Variants in TRRAP observed in about 807,000 individuals in gnomAD.
TRRAP encodes the protein transformation/transcription domain-associated protein.
Under a neutral mutation model 438.8 loss-of-function variants are expected in TRRAP, and 41 were observed. That is an observed-to-expected ratio of 0.09 (90% CI 0.07 to 0.12). The LOEUF (loss-of-function observed/expected upper bound fraction) is 0.12. Ranked by LOEUF, TRRAP falls within the 10% of genes least tolerant of loss-of-function variation. TRRAP has a pLI of 1.00. For synonymous variants in TRRAP, 1,994 were observed against 1,962.9 expected (o/e 1.02, Z -0.42); for missense variants, 3,122 against 5,055.1 (o/e 0.62, Z 11.60).
At chr7:98,987,010 C>A (rs1793179586) in intron 62 of TRRAP, among the ~76,000 whole-genome samples, 2 of 152,138 alleles carry the variant, frequency 1.3e-5, no homozygotes, top group African/African-American at 2.4e-5. Context: ...TGAGGCCAGG[C>A]CCAGTGGCTC....
rs183318022 is a variant in TRRAP, at chr7:98,915,671, A to G, written c.2200-52A>G. 1.7e-5 allele frequency: 27 copies of G among 1,588,330 alleles called. No homozygotes were observed. The Admixed American group carries it at 3.1e-4, about 18-fold the overall frequency. On this transcript the variant is annotated intron_variant, in intron 18 of 72. Coordinates refer to ENST00000456197, the MANE Select transcript of TRRAP (RefSeq NM_001375524.1). ...AGTGACACTTTAGAGTCTGGAGGGT[A>G]TAGACCCTCCTCATTTAGATGCCAC... is the stretch of plus-strand genomic sequence containing the variant.
At position 98,994,745 on chromosome 7, in the gene TRRAP, C is replaced by A. The variant is rs772541308; in HGVS notation, c.10206C>A (p.Val3402=). The A allele has an allele frequency of 6.2e-7, 1 of 1,614,114 alleles. No individual in the cohort carries two copies. Among genetic ancestry groups the A allele is most frequent in the African/African-American group, 1.3e-5 (1 of 74,938 alleles). ...FGVGLENVSN[V]STMFSSAASE... Reference sequence around the variant, plus strand: ...TGGGCCTGGAGAATGTGTCCAACGTCTCGACCATGTTCTCCAGCGCAGCCT... The same window carrying A: ...TGGGCCTGGAGAATGTGTCCAACGTATCGACCATGTTCTCCAGCGCAGCCT... The change falls in exon 67 of 73, where the codon GTC becomes GTA. Residue 3402 remains valine, a synonymous_variant. Coordinates refer to ENST00000456197, the MANE Select transcript of TRRAP (RefSeq NM_001375524.1). The surrounding 1 kb of genome is among the most constrained non-coding windows in gnomAD (Gnocchi z 4.8).
rs782032298 is a variant in TRRAP, at chr7:98,956,129, T to C, written c.5938-17T>C. On this transcript the variant is annotated splice_polypyrimidine_tract_variant and intron_variant, in intron 41 of 72. Transcript: ENST00000456197. This position sits in a 1 kb window ranked among gnomAD's most constrained non-coding sequence, Gnocchi z 4.5. ...AAGCTCCCATGTTCCGGCGTGATGC[T>C]GGCCCTGCGTCCGCAGGTGTACTAC... 5.6e-6 allele frequency: 9 copies of C among 1,605,208 alleles called. No homozygotes were observed. In the African/African-American group the frequency reaches 9.4e-5, roughly 17 times the overall value.
intron 21 of TRRAP, among the ~76,000 whole-genome samples, chr7:98,923,538 T>C (rs1789897881): frequency 6.6e-6 from 1 of 152,260 alleles, no homozygotes; most frequent in Admixed American, 6.5e-5. Context: ...TTGATTCTTT[T>C]TGGCAGGTAA....
chr7:98,948,616 C>T lies in TRRAP; in HGVS notation c.4719C>T (p.Pro1573=), dbSNP rs1554417419. The T allele has an allele frequency of 2.5e-6, 4 of 1,614,194 alleles. No individual in the cohort carries two copies. The South Asian group carries it at 4.4e-5, about 18-fold the overall frequency. ...TGATCAAGTTCCTGACTCGACATCCCTCGCAGACAGTGGAGCTGTTCATGA... is the reference window on the plus strand; with the variant it reads ...TGATCAAGTTCCTGACTCGACATCCTTCGCAGACAGTGGAGCTGTTCATGA... ...EPLIKFLTRH[P]SQTVELFMME... is the part of the protein sequence containing the mutation. The change falls in exon 35 of 73, where the codon CCC becomes CCT. Residue 1573 remains proline (P), a synonymous_variant. Coordinates refer to ENST00000456197, the MANE Select transcript of TRRAP (RefSeq NM_001375524.1). This position sits in a 1 kb window ranked among gnomAD's most constrained non-coding sequence, Gnocchi z 4.9.
rs113402444 is a variant in TRRAP, at chr7:98,910,275, G to A, written c.1570G>A (p.Val524Met). 1,831 of 1,260,476 alleles carry A rather than the reference G, an allele frequency of 1.5e-3. 13 individuals are homozygous for A. The African/African-American group carries it at 0.023, about 16-fold the overall frequency. The allele number at this position is 1,260,476 out of a possible 1,614,324, so 78.1% of individuals were successfully genotyped here. A position where few individuals can be genotyped will look rare whatever the true frequency, so the allele number is the denominator to read the frequency against. The change falls in exon 15 of 73, where the codon GTG (valine) becomes ATG (methionine). Residue 524 changes from valine (V) to methionine (M), a missense_variant. Transcript: ENST00000456197. ...PPATPVTPAP[V>M]PPFEKQGEKD... ...TGCCACCCCTGTGACCCCGGCCCCC[G>A]TGCCTCCCTTCGAGAAGCAAGGAGA...
Position 98,924,854 on chromosome 7 carries a change from C to A in TRRAP, c.2824-258C>A, listed in dbSNP as rs1554411239. Among the ~76,000 whole-genome samples the A allele has an allele frequency of 3.5e-5, 5 of 143,930 alleles. No individual in the cohort carries two copies. In the East Asian group the frequency reaches 8.6e-4, roughly 25 times the overall value. 94.4% of individuals were successfully genotyped at this position (143,930 alleles called of 152,430 possible). A position where few individuals can be genotyped will look rare whatever the true frequency, so the allele number is the denominator to read the frequency against. ...CCGACTCTACTAAAAATACAAAAAA[C>A]TTAGCTGGGCGTGGTGGCGGGCACC... is the stretch of plus-strand genomic sequence containing the variant. On this transcript the variant is annotated intron_variant, in intron 21 of 72. Coordinates refer to ENST00000456197, the MANE Select transcript of TRRAP (RefSeq NM_001375524.1).
Position 98,937,644 on chromosome 7 carries a change from T to C in TRRAP, c.4234-6T>C. ...ATTTTTCTTTACAACTTTTCTTTTT[T>C]AATAGTTTTTAGAAGGTGCTACCAT... is the stretch of plus-strand genomic sequence containing the variant. On this transcript the variant is annotated splice_region_variant and splice_polypyrimidine_tract_variant and intron_variant, in intron 29 of 72. Transcript: ENST00000456197. 9 of 1,593,226 alleles carry C rather than the reference T, an allele frequency of 5.6e-6. No individual in the cohort carries two copies. The highest frequency in any genetic ancestry group is 6.8e-6 in the Non-Finnish European group (8 of 1,172,818).
At chr7:98,988,119 G>A (rs567198092) in intron 62 of TRRAP, among the ~76,000 whole-genome samples, 10 of 152,258 alleles carry the variant, frequency 6.6e-5, no homozygotes, top group Non-Finnish European at 1.0e-4. Context: ...GGATGTTTGC[G>A]TCTGTATCAT....
At chr7:98,937,600 G>A (rs1790615568) in intron 29 of TRRAP, 50 bp from the exon 30 acceptor site, 18 of 1,542,322 alleles carry the variant, frequency 1.2e-5, no homozygotes, top group Non-Finnish European at 1.6e-5. Context: ...GTTCTATTAT[G>A]AAGTGTCCTC....
In TRRAP at chr7:98,977,146, T is replaced by C. The variant is rs536457072; in HGVS notation, c.8385+70T>C. The C allele has an allele frequency of 1.3e-5, 20 of 1,596,970 alleles. No individual in the cohort carries two copies. The African/African-American group carries it at 2.4e-4, about 19-fold the overall frequency. ...CATTTATAACGGTTCTTTAATAAAA[T>C]GTCCTCAAGTCGGAGTTCACGTTCT... is the stretch of plus-strand genomic sequence containing the variant. On this transcript the variant is annotated intron_variant, in intron 56 of 72. Coordinates refer to ENST00000456197, the MANE Select transcript of TRRAP (RefSeq NM_001375524.1).
intron 62 of TRRAP, among the ~76,000 whole-genome samples, chr7:98,987,879 A>G (rs1232711796): frequency 1.3e-5 from 2 of 152,116 alleles, no homozygotes; most frequent in Non-Finnish European, 2.9e-5. Flanking sequence ...TATTTTTATC[A>G]TGAGATGTTG....
At chr7:98,996,201 C>T (rs1793654967) in intron 67 of TRRAP, among the ~76,000 whole-genome samples, 1 of 152,362 alleles carries the variant, frequency 6.6e-6, no homozygotes, top group South Asian at 2.1e-4. Context: ...CATCTACACA[C>T]CCACATCACA....
Position 98,911,286 on chromosome 7 carries a change from T to C in TRRAP, c.2007+15T>C. 6.3e-7 allele frequency: 1 copy of C among 1,589,982 alleles called. No homozygotes were observed. Among genetic ancestry groups the C allele is most frequent in the Non-Finnish European group, 8.6e-7 (1 of 1,167,142 alleles). ...ATGCTCTTCAGGTATAAAACTCCTT[T>C]TTTTATGTTGTTTGAACATTACAAT... On this transcript the variant is annotated intron_variant, in intron 17 of 72. Transcript: ENST00000456197.
intron 39 of TRRAP, 85 bp from the exon 40 acceptor site, chr7:98,953,082 T>A (rs992392670): frequency 7.2e-7 from 1 of 1,392,690 alleles, no homozygotes; most frequent in Non-Finnish European, 9.8e-7. Context: ...TGTGTGTGTT[T>A]TTAAGGCTTA....
At chr7:98,969,015 C>T (rs1030776792) in intron 51 of TRRAP, among the ~76,000 whole-genome samples, 3 of 152,236 alleles carry the variant, frequency 2.0e-5, no homozygotes, top group Non-Finnish European at 4.4e-5. Flanking sequence ...CGACTCCCTC[C>T]TTCCTTTGCC....
At chr7:99,000,171 G>A (rs966608437) in intron 67 of TRRAP, among the ~76,000 whole-genome samples, 1 of 152,052 alleles carries the variant, frequency 6.6e-6, no homozygotes, top group African/African-American at 2.4e-5. Flanking sequence ...CACCACACCT[G>A]GCTAATTTTT....
At chr7:98,901,600 G>C (rs1195314663) in intron 11 of TRRAP, among the ~76,000 whole-genome samples, 3 of 152,180 alleles carry the variant, frequency 2.0e-5, no homozygotes, top group Admixed American at 6.5e-5. Context: ...CCAGGGTGGA[G>C]TGCAGTGGCA....
At chr7:98,964,492 G>T (rs1792063505) in intron 47 of TRRAP, 137 bp from the exon 48 acceptor site, 2 of 953,238 alleles carry the variant, frequency 2.1e-6, no homozygotes, top group Admixed American at 5.3e-5. Context: ...CGTGAGCCAT[G>T]TAAAAGCTCA....
Sources: allele counts gnomAD v4.1 joint callset (sites outside exome capture counted in the v4.1 genomes callset), GRCh38; gene constraint gnomAD v4.1.1; non-coding constraint Gnocchi (gnomAD v3.1); transcripts MANE v1.5; gene names NCBI Gene and HGNC (gene_info 2026-07-23, HGNC 2026-07-21).